EML5: variants seen among roughly 807,000 people sequenced by gnomAD.
The protein encoded by EML5 is EMAP like 5.
A neutral mutation model predicts 250.0 loss-of-function variants in EML5; 120 were observed. That is an observed-to-expected ratio of 0.48 (90% CI 0.41 to 0.56). EML5 has a LOEUF of 0.56. Among genes scored for constraint, EML5 ranks in the 20% least tolerant of loss-of-function variants. EML5 has a pLI of 0.00. For synonymous variants in EML5, 771 were observed against 806.5 expected (o/e 0.96, Z 0.75); for missense variants, 2,006 against 2,437.6 (o/e 0.82, Z 3.73).
chr14:88,726,398 T>TA, intron 8 of EML5, 143 bp downstream of exon 8: 1 of 503,316 alleles, frequency 2.0e-6, no homozygotes, highest in East Asian at 3.5e-5. Flanking sequence ...ACATCTGAAA[T>TA]ATATTAATAA....
chr14:88,763,582 G>A (rs1374182930), intron 1 of EML5, among the ~76,000 whole-genome samples: 2 of 152,146 alleles, frequency 1.3e-5, no homozygotes, highest in Admixed American at 6.5e-5. Context: ...AAGATACAAA[G>A]AGGAGCTGGT....
intron 33 of EML5, among the ~76,000 whole-genome samples, chr14:88,628,467 A>T (rs1177927827): frequency 6.6e-6 from 1 of 152,070 alleles, no homozygotes; most frequent in Non-Finnish European, 1.5e-5. Flanking sequence ...CTGCTTAAAA[A>T]ATTATCCCAG....
intron 10 of EML5, among the ~76,000 whole-genome samples, chr14:88,707,608 A>C (rs774636023): frequency 2.0e-5 from 3 of 152,122 alleles, no homozygotes; most frequent in Non-Finnish European, 2.9e-5. Flanking sequence ...CATCAACGAA[A>C]TTCTGGAGAA....
intron 1 of EML5, among the ~76,000 whole-genome samples, chr14:88,783,515 A>G (rs2094519495): frequency 6.6e-6 from 1 of 152,236 alleles, no homozygotes; most frequent in South Asian, 2.1e-4. Context: ...AAAGAGCAGG[A>G]GTAGCTATAT....
chr14:88,786,826 C>G (rs2094555980), intron 1 of EML5, among the ~76,000 whole-genome samples: 1 of 152,178 alleles, frequency 6.6e-6, no homozygotes, highest in Admixed American at 6.5e-5. Flanking sequence ...AACTGTCAAT[C>G]CAATTAAACC....
At chr14:88,657,853 A>C (rs1405272684) in intron 26 of EML5, among the ~76,000 whole-genome samples, 1 of 152,162 alleles carries the variant, frequency 6.6e-6, no homozygotes, top group Non-Finnish European at 1.5e-5. Context: ...TTTTATGGCA[A>C]AATACATTTT....
At chr14:88,745,189 G>A (rs867723452) in intron 3 of EML5, among the ~76,000 whole-genome samples, 3 of 151,910 alleles carry the variant, frequency 2.0e-5, no homozygotes, top group Middle Eastern at 3.4e-3. Flanking sequence ...GTGTGTGTGT[G>A]TGTGTGTGTA....
At chr14:88,747,143 T>C (rs1299647825) in intron 2 of EML5, among the ~76,000 whole-genome samples, 1 of 149,832 alleles carries the variant, frequency 6.7e-6, no homozygotes. Context: ...TCAGGTGCGG[T>C]GGCTCACACT....
chr14:88,651,592 A>C (rs1402128356), intron 27 of EML5, among the ~76,000 whole-genome samples: 1 of 152,082 alleles, frequency 6.6e-6, no homozygotes, highest in African/African-American at 2.4e-5. Context: ...ATTTATGGGA[A>C]TGTCTAGAGC....
intron 10 of EML5, among the ~76,000 whole-genome samples, chr14:88,707,698 T>C (rs117301270): frequency 1.3e-5 from 2 of 152,326 alleles, no homozygotes; most frequent in African/African-American, 2.4e-5. Flanking sequence ...TCTAAAGTTA[T>C]AATTTACTGC....
chr14:88,777,918 T>A (rs1242079704), intron 1 of EML5, among the ~76,000 whole-genome samples: 1 of 152,206 alleles, frequency 6.6e-6, no homozygotes, highest in African/African-American at 2.4e-5. Context: ...AAGGCTGCAG[T>A]GAGTCAAGAC....
intron 32 of EML5, among the ~76,000 whole-genome samples, chr14:88,637,264 T>C (rs1228287415): frequency 3.9e-5 from 6 of 152,194 alleles, no homozygotes; most frequent in South Asian, 2.1e-4. Context: ...GAGCTACATA[T>C]ATAATCTAAA....
chr14:88,702,076 T>A (rs148058903), intron 14 of EML5, among the ~76,000 whole-genome samples: 1 of 152,302 alleles, frequency 6.6e-6, no homozygotes, highest in Non-Finnish European at 1.5e-5. Flanking sequence ...GTCCTTTGGT[T>A]TGTCACAGGA....
At chr14:88,768,702 G>A (rs374383872) in intron 1 of EML5, among the ~76,000 whole-genome samples, 7 of 152,098 alleles carry the variant, frequency 4.6e-5, no homozygotes, top group South Asian at 2.1e-4. Context: ...GTGAGACATC[G>A]CACCTGGCCT....
intron 1 of EML5, among the ~76,000 whole-genome samples, chr14:88,791,789 C>A (rs2094610611): frequency 6.6e-6 from 1 of 152,152 alleles, no homozygotes; most frequent in South Asian, 2.1e-4. Context: ...CTGATTATAG[C>A]AGGCGGTGAA....
chr14:88,763,665 C>T (rs909390245), intron 1 of EML5, among the ~76,000 whole-genome samples: 10 of 152,178 alleles, frequency 6.6e-5, no homozygotes, highest in Non-Finnish European at 1.2e-4. Flanking sequence ...ATGAGGCCGG[C>T]ATCATCCTGA....
At chr14:88,764,660 T>C (rs1326140282) in intron 1 of EML5, among the ~76,000 whole-genome samples, 1 of 152,248 alleles carries the variant, frequency 6.6e-6, no homozygotes, top group East Asian at 1.9e-4. Flanking sequence ...GTCAGACTCC[T>C]AGATTACTGA....
chr14:88,711,901 C>T (rs1444901578), intron 10 of EML5, among the ~76,000 whole-genome samples: 3 of 151,234 alleles, frequency 2.0e-5, no homozygotes. Flanking sequence ...GCAGAGATCA[C>T]CACTGCACTC....
At chr14:88,752,194 C>G (rs10140896) in intron 2 of EML5, among the ~76,000 whole-genome samples, 96,755 of 151,984 alleles carry the variant, frequency 0.64, 32,719 homozygotes, top group East Asian at 0.94. Flanking sequence ...ATGATTTCTC[C>G]TTGGATATAT....
Sources: allele counts gnomAD v4.1 joint callset (sites outside exome capture counted in the v4.1 genomes callset), GRCh38; gene constraint gnomAD v4.1.1; transcripts MANE v1.5; gene names NCBI Gene and HGNC (gene_info 2026-07-23, HGNC 2026-07-21).